The following STRA8 variants were observed in gnomAD, a reference collection of about 807,000 sequenced individuals.
STRA8 encodes the protein stimulated by retinoic acid gene 8 protein homolog.
STRA8 carries 18 observed loss-of-function variants against 37.1 expected under a neutral mutation model. The ratio of observed to expected loss-of-function variants is 0.48; its 90% confidence interval spans 0.34 to 0.72. STRA8 has a LOEUF of 0.72. Ranked by LOEUF, STRA8 falls within the 30% of genes least tolerant of loss-of-function variation. STRA8 has a pLI of 0.01. For missense variants in STRA8, 357 were observed against 410.4 expected, an observed-to-expected ratio of 0.87 and a Z score of 1.13; for synonymous variants, 168 against 162.9, an observed-to-expected ratio of 1.03 and a Z score of -0.24.
intron 6 of STRA8, chr7:135,247,193 C>T (rs1832574016): frequency 6.5e-6 from 1 of 152,942 alleles, no homozygotes; most frequent in Admixed American, 6.5e-5. Flanking sequence ...ATTTGTTTTT[C>T]TGCGGTTAGT....
At chr7:135,237,454 C>A (rs1235993290) in intron 1 of STRA8, among the ~76,000 whole-genome samples, 1 of 152,196 alleles carries the variant, frequency 6.6e-6, no homozygotes, top group South Asian at 2.1e-4. Context: ...CCTAGCCAAA[C>A]GGCTAATCTT....
chr7:135,243,259 G>T, intron 3 of STRA8, 67 bp from the exon 4 acceptor site: 1 of 1,553,256 alleles, frequency 6.4e-7, no homozygotes, highest in Non-Finnish European at 8.9e-7. Flanking sequence ...TGGGCCAGAA[G>T]GGTGGGAGAG....
At chr7:135,234,987 C>T (rs1832348547) in intron 1 of STRA8, among the ~76,000 whole-genome samples, 2 of 152,178 alleles carry the variant, frequency 1.3e-5, no homozygotes, top group African/African-American at 4.8e-5. Context: ...AGTGATCCTC[C>T]CAACTCAGCC....
At position 135,252,011 on chromosome 7, in the gene STRA8, A is replaced by AGTGT. The variant is rs1348457120; in HGVS notation, c.953+143_953+144insTGTG. ...AGAGAGGAGACAGAGGGAGAGAGAG[A>AGTGT]GAGTGTGTGTGTGTGTGTGTGTGTG... On this transcript the variant is annotated intron_variant, in intron 7 of 8. Transcript: ENST00000662584. 407 of 646,976 alleles carry AGTGT rather than the reference A, an allele frequency of 6.3e-4. No homozygotes were observed. The African/African-American group carries it at 8.2e-3, about 13-fold the overall frequency. 40.1% of individuals were successfully genotyped at this position (646,976 alleles called of 1,614,324 possible).
chr7:135,248,862 C>T (rs1250886533), intron 6 of STRA8, among the ~76,000 whole-genome samples: 1 of 152,138 alleles, frequency 6.6e-6, no homozygotes, highest in Non-Finnish European at 1.5e-5. Flanking sequence ...TGGTCCTTTC[C>T]CCGACCCCCG....
intron 6 of STRA8, among the ~76,000 whole-genome samples, chr7:135,249,894 G>A (rs888879036): frequency 6.6e-6 from 1 of 152,250 alleles, no homozygotes; most frequent in Non-Finnish European, 1.5e-5. Flanking sequence ...GGGTATTAAG[G>A]GAAGCTGGCA....
At chr7:135,238,376 G>A (rs543992782) in intron 1 of STRA8, among the ~76,000 whole-genome samples, 2 of 152,170 alleles carry the variant, frequency 1.3e-5, no homozygotes, top group African/African-American at 2.4e-5. Flanking sequence ...TGCCCCCTAT[G>A]GGGGAGGCAG....
In STRA8 at chr7:135,258,433, G is replaced by A. The variant is rs148450860; in HGVS notation, c.1081G>A (p.Val361Ile). ...TGTCTTGCAGGAAGCATCCTTTCCC[G>A]TTGATGAAGAGATGATCATGTTGCA... Reference protein sequence around the residue: ...TQVKQEASFPVDEEMIMLQCT... With the variant: ...TQVKQEASFPIDEEMIMLQCT... The change falls in exon 9 of 9, where the codon GTT becomes ATT. Residue 361 changes from valine (V) to isoleucine (I), a missense_variant. By Grantham distance (29) the Val-to-Ile change is conservative (BLOSUM62 3). Transcript: ENST00000662584. 1.7e-4 allele frequency: 273 copies of A among 1,605,702 alleles called. No individual in the cohort carries two copies. The East Asian group carries it at 2.4e-3, about 14-fold the overall frequency.
chr7:135,248,004 C>A (rs908120872), intron 6 of STRA8, among the ~76,000 whole-genome samples: 3 of 152,230 alleles, frequency 2.0e-5, no homozygotes, highest in African/African-American at 7.2e-5. Flanking sequence ...TACAGGCCAC[C>A]CCCTTGCCCT....
chr7:135,244,721 GATT>G (rs1832519989), intron 4 of STRA8, among the ~76,000 whole-genome samples: 1 of 152,152 alleles, frequency 6.6e-6, no homozygotes, highest in South Asian at 2.1e-4. Context: ...CATGTGTGTA[GATT>G]ATTTGAGATT....
At position 135,245,447 on chromosome 7, in the gene STRA8, AGAGGAG is replaced by A; in HGVS notation, c.522_527del (p.Glu177_Glu178del). On this transcript the variant is annotated inframe_deletion, in exon 5 of 9. Transcript: ENST00000662584. ...AGGAGGAGGAAGAGGAGGAAGAGGAAGAGGAGGAGGAGGAAGAGGAGAAAAAAGTGA... is the reference window on the plus strand; with the variant it reads ...AGGAGGAGGAAGAGGAGGAAGAGGAAGAGGAGGAAGAGGAGAAAAAAGTGA... The A allele has an allele frequency of 1.3e-6, 1 of 744,776 alleles. No individual in the cohort carries two copies. 46.1% of individuals were successfully genotyped at this position (744,776 alleles called of 1,614,324 possible).
intron 1 of STRA8, among the ~76,000 whole-genome samples, chr7:135,237,305 G>A (rs1015249419): frequency 5.9e-5 from 9 of 152,206 alleles, no homozygotes; most frequent in Non-Finnish European, 5.9e-5. Context: ...ACACTGCTGG[G>A]AGCAGTTTCT....
intron 1 of STRA8, among the ~76,000 whole-genome samples, chr7:135,239,844 T>C (rs1832433564): frequency 6.6e-6 from 1 of 152,194 alleles, no homozygotes; most frequent in South Asian, 2.1e-4. Flanking sequence ...TCAGGTGACT[T>C]TTGCTTGCAC....
intron 8 of STRA8, 112 bp downstream of exon 8, chr7:135,255,337 A>T: frequency 1.3e-6 from 1 of 750,868 alleles, no homozygotes; most frequent in Non-Finnish European, 2.3e-6. Context: ...ATGAGGAGCC[A>T]CTGGGCAGGG....
At chr7:135,232,692 G>T (rs551384991), upstream of STRA8, among the ~76,000 whole-genome samples, 41 of 152,248 alleles carry the variant, frequency 2.7e-4, no homozygotes, top group African/African-American at 9.4e-4. Flanking sequence ...CTGTTTTTAT[G>T]TGACGGTTTC....
upstream of STRA8, chr7:135,232,099 C>A: frequency 3.1e-5 from 26 of 836,400 alleles, no homozygotes; most frequent in Non-Finnish European, 4.4e-5. Flanking sequence ...TGCACATCTG[C>A]TTGTGTGTGT....
At chr7:135,254,540 T>C (rs1485591983) in intron 7 of STRA8, among the ~76,000 whole-genome samples, 1 of 152,220 alleles carries the variant, frequency 6.6e-6, no homozygotes, top group Non-Finnish European at 1.5e-5. Context: ...TCTGAGGCCC[T>C]GCAATAACAG....
chr7:135,255,243 G>C lies in STRA8; in HGVS notation c.1065+18G>C. On this transcript the variant is annotated intron_variant, in intron 8 of 8. Transcript: ENST00000662584. Reference sequence around the variant, plus strand: ...TAAAGCAGGTAGGATGGAGTAGAGGGCCGTGGTACCTCTGCCCACCTTGCT... The same window carrying C: ...TAAAGCAGGTAGGATGGAGTAGAGGCCCGTGGTACCTCTGCCCACCTTGCT... 2 of 1,578,262 alleles carry C rather than the reference G, an allele frequency of 1.3e-6. No homozygotes were observed. Among genetic ancestry groups the C allele is most frequent in the Non-Finnish European group, 1.7e-6 (2 of 1,147,734 alleles).
intron 1 of STRA8, among the ~76,000 whole-genome samples, chr7:135,236,089 G>C (rs150177222): frequency 1.3e-5 from 2 of 151,584 alleles, no homozygotes; most frequent in Middle Eastern, 3.4e-3. Flanking sequence ...TCAATGGAGC[G>C]AGACCCTATC....
Sources: gnomAD v4.1 joint callset for allele counts (sites outside exome capture counted in the v4.1 genomes callset) on GRCh38, gnomAD v4.1.1 for gene constraint, MANE v1.5 for transcripts, NCBI Gene and HGNC (gene_info 2026-07-23, HGNC 2026-07-21) for gene names.